BMP6: variants seen among roughly 807,000 people sequenced by gnomAD.
BMP6 encodes the protein VG-1-R.
Under a neutral mutation model 54.1 loss-of-function variants are expected in BMP6, and 17 were observed. The ratio of observed to expected loss-of-function variants is 0.31; its 90% CI spans 0.22 to 0.47. BMP6 has a LOEUF of 0.47. BMP6 is among the 20% of genes least tolerant of loss of function. The pLI is 1.00. For synonymous variants in BMP6, 328 were observed against 291.2 expected (o/e 1.13, Z -1.28); for missense variants, 720 against 690.4 (o/e 1.04, Z -0.48).
chr6:7,738,698 G>T (rs2876117), intron 1 of BMP6, among the ~76,000 whole-genome samples: 55,892 of 152,122 alleles, frequency 0.37, 11,367 homozygotes, highest in Non-Finnish European at 0.47. Context: ...AAATTTTTTG[G>T]TAATGCAGCT....
intron 1 of BMP6, among the ~76,000 whole-genome samples, chr6:7,757,251 C>G (rs1485996642): frequency 1.3e-5 from 2 of 152,198 alleles, no homozygotes; most frequent in Non-Finnish European, 2.9e-5. Context: ...AAAGTTTATT[C>G]TCTCATAGTT....
At chr6:7,870,644 A>AC (rs1029990655) in intron 4 of BMP6, among the ~76,000 whole-genome samples, 4 of 151,996 alleles carry the variant, frequency 2.6e-5, no homozygotes, top group South Asian at 2.1e-4. Flanking sequence ...AACAACAACA[A>AC]AAAAAAACGG....
intron 1 of BMP6, among the ~76,000 whole-genome samples, chr6:7,741,698 G>A (rs1378258628): frequency 6.6e-6 from 1 of 152,224 alleles, no homozygotes; most frequent in Non-Finnish European, 1.5e-5. Context: ...CTCCAAAAGT[G>A]CTGGGCTTAC....
intron 1 of BMP6, among the ~76,000 whole-genome samples, chr6:7,814,408 A>G (rs1393455166): frequency 6.6e-6 from 1 of 152,148 alleles, no homozygotes; most frequent in East Asian, 1.9e-4. Flanking sequence ...GCTTCTCTTC[A>G]TTCATAAGGT....
At chr6:7,742,927 A>T (rs185315988) in intron 1 of BMP6, among the ~76,000 whole-genome samples, 2 of 152,102 alleles carry the variant, frequency 1.3e-5, no homozygotes, top group Non-Finnish European at 2.9e-5. Flanking sequence ...TTCTTATCCC[A>T]CTTAAATTTT....
At chr6:7,877,571 C>T (rs1759641197) in intron 4 of BMP6, among the ~76,000 whole-genome samples, 3 of 151,838 alleles carry the variant, frequency 2.0e-5, no homozygotes, top group African/African-American at 4.8e-5. Flanking sequence ...TGCAGTGAGC[C>T]GAGCTCGTGC....
In BMP6 at chr6:7,757,276, T is replaced by A. The variant is rs144880405; in HGVS notation, c.664+29657T>A. On this transcript the variant is annotated intron_variant, in intron 1 of 6. Transcript: ENST00000283147. Reference sequence around the variant, plus strand: ...CTCTCATAGTTCAGGAGGCTAGAAGTCTGAAACCAAGGTGTCAGCAGGCAG... The same window carrying A: ...CTCTCATAGTTCAGGAGGCTAGAAGACTGAAACCAAGGTGTCAGCAGGCAG... Among the ~76,000 whole-genome samples, 18 of 152,330 alleles carry A rather than the reference T, an allele frequency of 1.2e-4. No individual in the cohort carries two copies. The East Asian group carries it at 2.7e-3, about 23-fold the overall frequency.
chr6:7,830,654 G>A (rs909556335), intron 1 of BMP6, among the ~76,000 whole-genome samples: 1 of 152,238 alleles, frequency 6.6e-6, no homozygotes, highest in Non-Finnish European at 1.5e-5. Context: ...TGGACTCACA[G>A]TTCCACATGA....
At chr6:7,823,601 G>A (rs908370699) in intron 1 of BMP6, among the ~76,000 whole-genome samples, 8 of 152,174 alleles carry the variant, frequency 5.3e-5, no homozygotes, top group Non-Finnish European at 7.3e-5. Flanking sequence ...GACCAGACAC[G>A]CTGTGTTAGG....
At chr6:7,742,201 T>TA (rs1757276119) in intron 1 of BMP6, among the ~76,000 whole-genome samples, 2 of 152,238 alleles carry the variant, frequency 1.3e-5, no homozygotes, top group African/African-American at 4.8e-5. Context: ...TGTGACTTTC[T>TA]AAATTTTTTT....
intron 2 of BMP6, among the ~76,000 whole-genome samples, chr6:7,846,760 A>AT (rs1302548415): frequency 2.0e-5 from 3 of 152,244 alleles, no homozygotes; most frequent in Admixed American, 6.5e-5. Context: ...TGAAAAGTAC[A>AT]TTTTTTGTTG....
chr6:7,821,763 C>G (rs1167540667), intron 1 of BMP6, among the ~76,000 whole-genome samples: 1 of 152,134 alleles, frequency 6.6e-6, no homozygotes, highest in African/African-American at 2.4e-5. Flanking sequence ...TGCCACTTTG[C>G]AAACCATTTG....
chr6:7,732,106 G>A (rs975155544), intron 1 of BMP6, among the ~76,000 whole-genome samples: 5 of 152,116 alleles, frequency 3.3e-5, no homozygotes, highest in African/African-American at 9.7e-5. Flanking sequence ...GATATAATGC[G>A]CTATCTCTTT....
At chr6:7,854,333 A>G (rs1759190619) in intron 2 of BMP6, among the ~76,000 whole-genome samples, 1 of 152,212 alleles carries the variant, frequency 6.6e-6, no homozygotes, top group Non-Finnish European at 1.5e-5. Context: ...ATACCCATAA[A>G]AACTAAAAAT....
At chr6:7,838,582 T>C (rs1758914151) in intron 1 of BMP6, among the ~76,000 whole-genome samples, 1 of 152,208 alleles carries the variant, frequency 6.6e-6, no homozygotes, top group Admixed American at 6.5e-5. Flanking sequence ...AACATCAGAC[T>C]GAAAGTCAGA....
At chr6:7,787,241 T>G (rs992439444) in intron 1 of BMP6, among the ~76,000 whole-genome samples, 1 of 152,238 alleles carries the variant, frequency 6.6e-6, no homozygotes, top group Admixed American at 6.5e-5. Context: ...GTTGTACATA[T>G]GCAGATACAC....
At position 7,865,367 on chromosome 6, in the gene BMP6, C is replaced by T. The variant is rs73365754; in HGVS notation, c.1204+2869C>T. ...GGTTCATACGAAATCTCTCCGGTCTCACCTATTTAAAGGCCCCCAAGAAAG... is the reference window on the plus strand; with the variant it reads ...GGTTCATACGAAATCTCTCCGGTCTTACCTATTTAAAGGCCCCCAAGAAAG... On this transcript the variant is annotated intron_variant, in intron 4 of 6. Transcript: ENST00000283147. 1.1e-3 allele frequency among the ~76,000 whole-genome samples: 168 copies of T among 152,278 alleles called. 1 individual carries two copies. Among genetic ancestry groups the T allele is most frequent in the African/African-American group, 3.8e-3 (156 of 41,552 alleles).
At chr6:7,752,140 G>C (rs270415) in intron 1 of BMP6, among the ~76,000 whole-genome samples, 122,035 of 152,176 alleles carry the variant, frequency 0.8, 49,219 homozygotes, top group African/African-American at 0.84. Flanking sequence ...CTTAAAGGGC[G>C]AAATGGTAAA....
chr6:7,744,469 C>A (rs1757318729), intron 1 of BMP6, among the ~76,000 whole-genome samples: 1 of 152,004 alleles, frequency 6.6e-6, no homozygotes, highest in African/African-American at 2.4e-5. Flanking sequence ...GAGTGAGACT[C>A]CATCTCAAAA....
Sources: gnomAD v4.1 joint callset for allele counts (sites outside exome capture counted in the v4.1 genomes callset) on GRCh38, gnomAD v4.1.1 for gene constraint, MANE v1.5 for transcripts, NCBI Gene and HGNC (gene_info 2026-07-23, HGNC 2026-07-21) for gene names.